Variants in CERS4 observed in about 807,000 individuals in gnomAD.
The protein encoded by CERS4 is LAG1 homolog, ceramide synthase 4.
Under a neutral mutation model 51.8 loss-of-function variants are expected in CERS4, and 65 were observed. The observed-to-expected ratio is 1.26, with a 90% confidence interval of 1.03 to 1.54. CERS4 has a LOEUF of 1.54. CERS4 is among the 40% of genes most tolerant of loss of function. The pLI, the probability that CERS4 is intolerant of heterozygous loss-of-function variation, is 0.00. For synonymous variants in CERS4, 228 were observed against 208.4 expected (o/e 1.09, Z -0.81); for missense variants, 563 against 500.4 (o/e 1.13, Z -1.19).
At chr19:8,255,494 G>C (rs1969327170) in intron 4 of CERS4, 113 bp from the exon 5 acceptor site, 1 of 913,380 alleles carries the variant, frequency 1.1e-6, no homozygotes, top group Non-Finnish European at 1.7e-6. Context: ...TGGTCACCCT[G>C]TAGGCAAGAT....
chr19:8,249,058 GGAT>G (rs149364584), intron 2 of CERS4, among the ~76,000 whole-genome samples: 6,519 of 150,546 alleles, frequency 0.043, 388 homozygotes, highest in African/African-American at 0.14. Flanking sequence ...GTGGATAGGT[GGAT>G]GATGAATAAT....
rs937721524 is a variant in CERS4 at position 8,210,384 on chromosome 19, C to G, written c.-158-322C>G. On this transcript the variant is annotated intron_variant, in intron 1 of 11. Transcript: ENST00000251363. The surrounding 1 kb of genome is among the most constrained non-coding windows in gnomAD (Gnocchi z 4.2). Reference sequence around the variant, plus strand: ...TGTTTGCAAGTGGAGCGTGGGGGACCGATGTTTCTCCTGGGTAGTTAGGAG... The same window carrying G: ...TGTTTGCAAGTGGAGCGTGGGGGACGGATGTTTCTCCTGGGTAGTTAGGAG... Among the ~76,000 whole-genome samples the G allele has an allele frequency of 6.6e-6, 1 of 151,738 alleles. No homozygotes were observed. Among genetic ancestry groups the G allele is most frequent in the Non-Finnish European group, 1.5e-5 (1 of 67,952 alleles).
intron 2 of CERS4, among the ~76,000 whole-genome samples, chr19:8,249,302 C>T (rs187666760): frequency 1.9e-3 from 289 of 152,110 alleles, no homozygotes; most frequent in African/African-American, 6.5e-3. Context: ...CGTGGACAGA[C>T]GAATGAACGA....
intron 2 of CERS4, among the ~76,000 whole-genome samples, chr19:8,234,960 C>T (rs1344965037): frequency 1.3e-5 from 2 of 151,524 alleles, no homozygotes; most frequent in Non-Finnish European, 2.9e-5. Flanking sequence ...TTCAGCATAA[C>T]GTCCTCAAGA....
At chr19:8,235,007 C>CTTTTTTTTTTTTTTTTT (rs566104740) in intron 2 of CERS4, among the ~76,000 whole-genome samples, 6 of 127,886 alleles carry the variant, frequency 4.7e-5, no homozygotes, top group African/African-American at 1.2e-4. Context: ...TTCTTTCTTT[C>CTTTTTTTTTTTTTTTTT]TTTCTTTTTT....
intron 10 of CERS4, among the ~76,000 whole-genome samples, chr19:8,260,044 GCCAGAGAGGGAAGGGGC>G (rs1231535417): frequency 6.6e-6 from 1 of 152,040 alleles, no homozygotes; most frequent in Non-Finnish European, 1.5e-5. Flanking sequence ...GGTGCGGGGA[GCCAGAGAGGGAAGGGGC>G]CCAGGGAGGA....
intron 3 of CERS4, among the ~76,000 whole-genome samples, chr19:8,253,846 C>T (rs371716074): frequency 6.5e-4 from 99 of 152,076 alleles, no homozygotes; most frequent in Middle Eastern, 3.4e-3. Context: ...CACCTCAGCC[C>T]CAAAGTTCTG....
rs1969479571 is a variant in CERS4 at position 8,257,882 on chromosome 19, T to C, written c.745T>C (p.Cys249Arg). 4 of 1,613,362 alleles carry C rather than the reference T, an allele frequency of 2.5e-6. No homozygotes were observed. The highest frequency in any genetic ancestry group is 1.7e-5 in the Admixed American group (1 of 59,988). Residue 249 changes from cysteine to arginine, a missense_variant, in exon 10 of 12, where the codon TGT becomes CGT. Physicochemically the swap from Cys to Arg is radical, Grantham distance 180 (BLOSUM62 -3). Coordinates refer to ENST00000251363, the MANE Select transcript of CERS4 (RefSeq NM_024552.3). ...HDSSDYLLEA[C>R]KMVNYMQYQQ... ...TTCTCCCTGCTGCCCTTTCCAGGCC[T>C]GTAAGATGGTCAACTACATGCAGTA...
Position 8,210,009 on chromosome 19 carries a change from G to A in CERS4, c.-159+515G>A, listed in dbSNP as rs536345033. On this transcript the variant is annotated intron_variant, in intron 1 of 11. Coordinates refer to ENST00000251363, the MANE Select transcript of CERS4 (RefSeq NM_024552.3). This position sits in a 1 kb window ranked among gnomAD's most constrained non-coding sequence, Gnocchi z 4.2. ...TTGGCCTGGTTGGACCAGCCAGCGA[G>A]GGCTTTTTAGGCCCAGGGCCTAGCC... 1.3e-5 allele frequency: 2 copies of A among 152,764 alleles called. No individual in the cohort carries two copies. Among genetic ancestry groups the A allele is most frequent in the South Asian group, 4.1e-4 (2 of 4,852 alleles). 9.5% of individuals were successfully genotyped at this position (152,764 alleles called of 1,614,324 possible).
At chr19:8,220,399 G>C (rs1967482428) in intron 2 of CERS4, among the ~76,000 whole-genome samples, 1 of 152,140 alleles carries the variant, frequency 6.6e-6, no homozygotes, top group Non-Finnish European at 1.5e-5. Flanking sequence ...CCACCTCGCA[G>C]GTTCAAGTGA....
At chr19:8,257,511 A>G (rs1969459913) in intron 9 of CERS4, among the ~76,000 whole-genome samples, 1 of 152,110 alleles carries the variant, frequency 6.6e-6, no homozygotes, top group Non-Finnish European at 1.5e-5. Context: ...TGCTCACTGC[A>G]ACCTCTGCCT....
chr19:8,256,096 G>C, intron 6 of CERS4, 140 bp from the exon 7 acceptor site: 2 of 1,024,380 alleles, frequency 2.0e-6, no homozygotes, highest in Non-Finnish European at 2.9e-6. Context: ...CCCCCCAGTC[G>C]AGAGTGAGAA....
At chr19:8,258,057 T>C in intron 10 of CERS4, 72 bp downstream of exon 10, 1 of 1,191,040 alleles carries the variant, frequency 8.4e-7, no homozygotes, top group South Asian at 1.2e-5. Context: ...GCCTCACCAT[T>C]GGTACCCTGC....
intron 2 of CERS4, among the ~76,000 whole-genome samples, chr19:8,249,122 T>G (rs1322129946): frequency 1.3e-5 from 2 of 148,402 alleles, no homozygotes; most frequent in Non-Finnish European, 3.0e-5. Context: ...GATGGGTAGA[T>G]GGATGATGAG....
intron 2 of CERS4, among the ~76,000 whole-genome samples, chr19:8,212,640 A>ATTT (rs200011221): frequency 6.7e-6 from 1 of 149,524 alleles, no homozygotes; most frequent in African/African-American, 2.5e-5. Context: ...TTTAATTATT[A>ATTT]TTTTTTTTAT....
At position 8,257,917 on chromosome 19, in the gene CERS4, G is replaced by A. The variant is rs767061903; in HGVS notation, c.780G>A (p.Val260=). ...KMVNYMQYQQ[V]CDALFLIFSF... is the part of the protein sequence containing the mutation. ...TCAACTACATGCAGTATCAGCAAGT[G>A]TGCGACGCTCTCTTCCTCATCTTCT... The change falls in exon 10 of 12, where the codon GTG becomes GTA. Residue 260 remains valine, a synonymous_variant. Transcript: ENST00000251363. 6.2e-7 allele frequency: 1 copy of A among 1,613,970 alleles called. No homozygotes were observed. Among genetic ancestry groups the A allele is most frequent in the Non-Finnish European group, 8.5e-7 (1 of 1,179,994 alleles).
At chr19:8,240,689 A>G (rs1231495982) in intron 2 of CERS4, 1 of 151,790 alleles carries the variant, frequency 6.6e-6, no homozygotes, top group African/African-American at 2.4e-5. Flanking sequence ...CAAGTCCTGT[A>G]TTTCCAGCTA....
At chr19:8,248,727 TGGACGATAGGTG>T in intron 2 of CERS4, among the ~76,000 whole-genome samples, 1 of 149,766 alleles carries the variant, frequency 6.7e-6, no homozygotes, top group East Asian at 2.0e-4. Flanking sequence ...GGATGACAGA[TGGACGATAGGTG>T]GATGGACAGG....
At chr19:8,242,421 A>G (rs144725143) in intron 2 of CERS4, among the ~76,000 whole-genome samples, 1,803 of 152,244 alleles carry the variant, frequency 0.012, 10 homozygotes, top group Non-Finnish European at 0.018. Flanking sequence ...CTCAGGAAGC[A>G]ATGGGCATGA....
Sources: allele counts gnomAD v4.1 joint callset (sites outside exome capture counted in the v4.1 genomes callset), GRCh38; gene constraint gnomAD v4.1.1; non-coding constraint Gnocchi (gnomAD v3.1); transcripts MANE v1.5; gene names NCBI Gene and HGNC (gene_info 2026-07-23, HGNC 2026-07-21).